The following GIGYF2 variants were observed in gnomAD, a reference collection of about 807,000 sequenced individuals.
GIGYF2 encodes the protein GRB10-interacting GYF protein 2.
A neutral mutation model predicts 208.1 loss-of-function variants in GIGYF2; 25 were observed. The observed-to-expected ratio is 0.12, with a 90% CI of 0.09 to 0.17. GIGYF2 has a LOEUF of 0.17. Among genes scored for constraint, GIGYF2 ranks in the 10% least tolerant of loss-of-function variants. The pLI is 1.00. For synonymous variants in GIGYF2, 534 were observed against 543.8 expected (o/e 0.98, Z 0.25); for missense variants, 1,302 against 1,579.4 (o/e 0.82, Z 2.98).
intron 8 of GIGYF2, chr2:232,782,788 A>G (rs1038129794): frequency 6.6e-6 from 1 of 152,214 alleles, no homozygotes; most frequent in Non-Finnish European, 1.5e-5. Flanking sequence ...TGAATATTCC[A>G]TTTTATAAAA....
At chr2:232,800,039 A>G (rs921038633) in intron 14 of GIGYF2, among the ~76,000 whole-genome samples, 9 of 149,362 alleles carry the variant, frequency 6.0e-5, no homozygotes, top group African/African-American at 2.2e-4. Context: ...CTTATAAGAT[A>G]TATGATTTGT....
chr2:232,837,490 T>C (rs1457883673), intron 22 of GIGYF2, among the ~76,000 whole-genome samples: 1 of 152,252 alleles, frequency 6.6e-6, no homozygotes, highest in Non-Finnish European at 1.5e-5. Context: ...GGTCTGGCTC[T>C]GTCGCCCAGG....
rs752673108 is a variant in GIGYF2, at chr2:232,844,216, G to GCAGCAACAC, written c.3068_3076dup (p.His1023_Gln1025dup). On this transcript the variant is annotated inframe_insertion, in exon 24 of 29. Coordinates refer to ENST00000373563, the MANE Select transcript of GIGYF2 (RefSeq NM_001103146.3). ...AAATGCAAAAGCAGCAGCAGCAGCA[G>GCAGCAACAC]CAGCAACACCAGCAACCAAACAGAG... 2 of 1,564,900 alleles carry GCAGCAACAC rather than the reference G, an allele frequency of 1.3e-6. No individual in the cohort carries two copies. Among genetic ancestry groups the GCAGCAACAC allele is most frequent in the African/African-American group, 1.4e-5 (1 of 73,594 alleles).
chr2:232,722,138 C>G lies in GIGYF2; in HGVS notation c.-43-13017C>G, dbSNP rs1053924577. Among the ~76,000 whole-genome samples the G allele has an allele frequency of 3.9e-5, 6 of 152,292 alleles. No homozygotes were observed. The East Asian group carries it at 9.6e-4, about 24-fold the overall frequency. On this transcript the variant is annotated intron_variant, in intron 2 of 28. Coordinates refer to ENST00000373563, the MANE Select transcript of GIGYF2 (RefSeq NM_001103146.3). ...CAGGCTGCTAAGTTGGAGAAAGAAG[C>G]CCACAACCACCTTGCAGATTAGCTT... is the stretch of plus-strand genomic sequence containing the variant.
At chr2:232,817,089 G>C (rs1700938709) in intron 20 of GIGYF2, 57 bp downstream of exon 20, 6 of 1,292,834 alleles carry the variant, frequency 4.6e-6, no homozygotes, top group African/African-American at 1.5e-5. Flanking sequence ...CTTTCAGGCT[G>C]CTTTCTTTCA....
In GIGYF2 at chr2:232,816,925, C is replaced by T; in HGVS notation, c.2263C>T (p.Arg755Ter). 6.2e-7 allele frequency: 1 copy of T among 1,611,522 alleles called. No individual in the cohort carries two copies. Among genetic ancestry groups the T allele is most frequent in the Non-Finnish European group, 8.5e-7 (1 of 1,177,910 alleles). ...EMRAKREEEE[R>*]KRQEELRRQQ... ...GAGGGCAAAACGGGAAGAGGAAGAGCGAAAGAGGCAGGAAGAACTCCGAAG... is the reference window on the plus strand; with the variant it reads ...GAGGGCAAAACGGGAAGAGGAAGAGTGAAAGAGGCAGGAAGAACTCCGAAG... The change falls in exon 20 of 29, where the codon CGA (arginine) becomes TGA (stop). Residue 755 changes from arginine (R) to a stop codon, truncating the protein, a stop_gained. Transcript: ENST00000373563. LOFTEE classifies it high-confidence loss of function.
At chr2:232,834,406 C>G (rs1701517698) in intron 22 of GIGYF2, among the ~76,000 whole-genome samples, 1 of 152,114 alleles carries the variant, frequency 6.6e-6, no homozygotes, top group African/African-American at 2.4e-5. Context: ...AACCCATGCT[C>G]TCTAAAATGT....
At chr2:232,730,347 G>A (rs1356596719) in intron 2 of GIGYF2, 2 of 501,504 alleles carry the variant, frequency 4.0e-6, no homozygotes, top group Admixed American at 6.6e-5. Flanking sequence ...GCTCACGCCT[G>A]TAGTCCCAGC....
intron 8 of GIGYF2, among the ~76,000 whole-genome samples, chr2:232,773,372 C>A (rs190888572): frequency 7.2e-5 from 11 of 152,254 alleles, no homozygotes; most frequent in African/African-American, 2.6e-4. Flanking sequence ...GATGAAGTCA[C>A]TGGTGCTCAG....
At chr2:232,737,238 TATCTTACAC>T (rs1485834246) in intron 3 of GIGYF2, among the ~76,000 whole-genome samples, 2 of 152,230 alleles carry the variant, frequency 1.3e-5, no homozygotes, top group African/African-American at 4.8e-5. Flanking sequence ...CTTTCAATAG[TATCTTACAC>T]ATCCTCCTTT....
At position 232,847,490 on chromosome 2, in the gene GIGYF2, CCAGCAGCGTCAG is replaced by C. The variant is rs762493186; in HGVS notation, c.3611_3622del (p.Arg1204_Gln1207del). ...AGCGCCGTGCCAAACAGAAAGCCAA[CCAGCAGCGTCAG>C]CAGCAGCAGCTGCCACAGCAGCAGC... is the stretch of plus-strand genomic sequence containing the variant. On this transcript the variant is annotated inframe_deletion, in exon 27 of 29. Coordinates refer to ENST00000373563, the MANE Select transcript of GIGYF2 (RefSeq NM_001103146.3). 1 of 1,605,454 alleles carries C rather than the reference CCAGCAGCGTCAG, an allele frequency of 6.2e-7. No individual in the cohort carries two copies. The highest frequency in any genetic ancestry group is 1.4e-5 in the African/African-American group (1 of 72,160).
At chr2:232,789,686 G>A (rs1398311267) in intron 9 of GIGYF2, among the ~76,000 whole-genome samples, 1 of 152,040 alleles carries the variant, frequency 6.6e-6, no homozygotes, top group Non-Finnish European at 1.5e-5. Context: ...TCTCAATAGT[G>A]AGAACATTTA....
At chr2:232,827,533 C>T (rs1331833174) in intron 21 of GIGYF2, among the ~76,000 whole-genome samples, 1 of 152,162 alleles carries the variant, frequency 6.6e-6, no homozygotes, top group Non-Finnish European at 1.5e-5. Flanking sequence ...TTCAATGGCA[C>T]AATTTTATTC....
chr2:232,813,369 CT>C (rs1700799348), intron 18 of GIGYF2, among the ~76,000 whole-genome samples: 1 of 143,484 alleles, frequency 7.0e-6, no homozygotes, highest in Non-Finnish European at 1.6e-5. Context: ...GCTATCACAC[CT>C]GACTAATTTT....
chr2:232,715,820 CTTTTTT>C lies in GIGYF2; in HGVS notation c.-44+12341_-44+12346del, dbSNP rs75526495. On this transcript the variant is annotated intron_variant, in intron 2 of 28. Transcript: ENST00000373563. ...TTATAATAGATGGGAGAAGAATTTC[CTTTTTT>C]TTTTTTTTTAACCTTAAAATTCGTC... Among the ~76,000 whole-genome samples, 3 of 143,996 alleles carry C rather than the reference CTTTTTT, an allele frequency of 2.1e-5. No individual in the cohort carries two copies. In the South Asian group the frequency reaches 6.5e-4, roughly 31 times the overall value. The allele number at this position is 143,996 out of a possible 152,430, so 94.5% of individuals were successfully genotyped here.
rs1038657175 is a variant in GIGYF2, at chr2:232,768,917, C to T, written c.532+7481C>T. 7 of 1,025,330 alleles carry T rather than the reference C, an allele frequency of 6.8e-6. 1 individual carries two copies. The South Asian group carries it at 8.5e-5, about 12-fold the overall frequency. 63.5% of individuals were successfully genotyped at this position (1,025,330 alleles called of 1,614,324 possible). ...CAAATATTTACACATTTCTTGGTGC[C>T]ATGCCTTTCAGTGAGTCAGGAATTG... On this transcript the variant is annotated intron_variant, in intron 8 of 28. Transcript: ENST00000373563.
chr2:232,739,777 A>G (rs13035829), intron 3 of GIGYF2, among the ~76,000 whole-genome samples: 2 of 151,796 alleles, frequency 1.3e-5, no homozygotes, highest in African/African-American at 2.4e-5. Context: ...TCTATCGTAT[A>G]TGCAAATGTA....
In GIGYF2 at chr2:232,858,454, G is replaced by A. The variant is rs1377057764; in HGVS notation, c.*1594G>A. The A allele has an allele frequency of 2.2e-6, 1 of 455,188 alleles. No homozygotes were observed. The highest frequency in any genetic ancestry group is 2.0e-5 in the African/African-American group (1 of 49,848). The allele number at this position is 455,188 out of a possible 1,614,324, so 28.2% of individuals were successfully genotyped here. A position where few individuals can be genotyped will look rare whatever the true frequency, so the allele number is the denominator to read the frequency against. ...GTTTTTGGATCAAATAGCATGAGGGGAGAGGAAACCATTAAAAGTTGGGGC... is the reference window on the plus strand; with the variant it reads ...GTTTTTGGATCAAATAGCATGAGGGAAGAGGAAACCATTAAAAGTTGGGGC... On this transcript the variant is annotated 3_prime_UTR_variant, in exon 29 of 29. Transcript: ENST00000373563.
At chr2:232,723,139 A>C (rs969744570) in intron 2 of GIGYF2, among the ~76,000 whole-genome samples, 34 of 151,510 alleles carry the variant, frequency 2.2e-4, no homozygotes, top group Admixed American at 2.6e-4. Flanking sequence ...AAATTCCCCT[A>C]CCCCCTTCAA....
Sources: gnomAD v4.1 joint callset for allele counts (sites outside exome capture counted in the v4.1 genomes callset) on GRCh38, gnomAD v4.1.1 for gene constraint, MANE v1.5 for transcripts, NCBI Gene and HGNC (gene_info 2026-07-23, HGNC 2026-07-21) for gene names.